The following KLHL29 variants were observed in gnomAD, a reference collection of about 807,000 sequenced individuals.
KLHL29 encodes the protein kelch-like protein 29.
A neutral mutation model predicts 80.4 loss-of-function variants in KLHL29; 21 were observed. The ratio of observed to expected loss-of-function variants is 0.26; its 90% CI spans 0.19 to 0.38. KLHL29 has a LOEUF of 0.38. KLHL29 is among the 10% of genes least tolerant of loss of function. The pLI, the probability that KLHL29 is intolerant of heterozygous loss-of-function variation, is 1.00. For missense variants in KLHL29, 867 were observed against 1,223.9 expected (o/e 0.71, Z 4.35); for synonymous variants, 511 against 526.8 (o/e 0.97, Z 0.41).
At chr2:23,532,120 T>C (rs1022588700) in intron 2 of KLHL29, among the ~76,000 whole-genome samples, 1 of 152,068 alleles carries the variant, frequency 6.6e-6, no homozygotes, top group African/African-American at 2.4e-5. Flanking sequence ...CAGAACCCGC[T>C]CCACTGGGGC....
chr2:23,532,650 C>T (rs1226438494), intron 2 of KLHL29: 1 of 456,542 alleles, frequency 2.2e-6, no homozygotes, highest in Non-Finnish European at 4.4e-6. Flanking sequence ...GGACTGAGGC[C>T]TGGGCGGTGG....
At chr2:23,423,768 C>G (rs973974260) in intron 1 of KLHL29, among the ~76,000 whole-genome samples, 1 of 152,180 alleles carries the variant, frequency 6.6e-6, no homozygotes, top group Non-Finnish European at 1.5e-5. Context: ...CCTTGAGCTC[C>G]TTCTCCATCC....
chr2:23,562,543 T>C lies in KLHL29; in HGVS notation c.285+62T>C. The C allele has an allele frequency of 6.7e-7, 1 of 1,502,640 alleles. No homozygotes were observed. Among genetic ancestry groups the C allele is most frequent in the Non-Finnish European group, 8.9e-7 (1 of 1,123,772 alleles). 93.1% of individuals were successfully genotyped at this position (1,502,640 alleles called of 1,614,324 possible). A position where few individuals can be genotyped will look rare whatever the true frequency, so the allele number is the denominator to read the frequency against. On this transcript the variant is annotated intron_variant, in intron 3 of 13. Transcript: ENST00000486442. This position sits in a 1 kb window ranked among gnomAD's most constrained non-coding sequence, Gnocchi z 4.5. Reference sequence around the variant, plus strand: ...AGAGGGGCCCTGCCTCCCTGCAGGCTCAGGCCAGCCCCACAGGCTCCTGTG... The same window carrying C: ...AGAGGGGCCCTGCCTCCCTGCAGGCCCAGGCCAGCCCCACAGGCTCCTGTG...
rs1018622667 is a variant in KLHL29, at chr2:23,682,146, C to T, written c.941-2253C>T. Among the ~76,000 whole-genome samples the T allele has an allele frequency of 7.2e-5, 11 of 152,288 alleles. No homozygotes were observed. The highest frequency in any genetic ancestry group is 3.4e-3 in the Middle Eastern group (1 of 294). On this transcript the variant is annotated intron_variant, in intron 5 of 13. Transcript: ENST00000486442. This position sits in a 1 kb window ranked among gnomAD's most constrained non-coding sequence, Gnocchi z 4.1. ...CACTTCCTTCCTGCACTGAGCCCCA[C>T]GGGGTCCACACGCTCCTGTTTCTCT...
chr2:23,400,641 G>T (rs1483663967), intron 1 of KLHL29, among the ~76,000 whole-genome samples: 3 of 151,904 alleles, frequency 2.0e-5, no homozygotes, highest in Non-Finnish European at 4.4e-5. Flanking sequence ...AGGTCAACTT[G>T]GGAAATATAA....
At chr2:23,501,509 C>T (rs541810692) in intron 2 of KLHL29, among the ~76,000 whole-genome samples, 1 of 152,148 alleles carries the variant, frequency 6.6e-6, no homozygotes, top group East Asian at 1.9e-4. Flanking sequence ...TCACTCAGCC[C>T]GATCATCGAT....
chr2:23,703,432 CTGA>C, intron 12 of KLHL29, 53 bp downstream of exon 12: 8 of 1,374,530 alleles, frequency 5.8e-6, no homozygotes, highest in Non-Finnish European at 7.7e-6. Flanking sequence ...CCCTGCCTTG[CTGA>C]TTTGTTCAGT....
intron 3 of KLHL29, chr2:23,617,358 C>G (rs1046819814): frequency 7.9e-5 from 12 of 152,242 alleles, no homozygotes; most frequent in African/African-American, 2.9e-4. Context: ...ATGCAAGTAG[C>G]CATCCCTCTG....
chr2:23,605,692 AAAG>A (rs1668702601), intron 3 of KLHL29, among the ~76,000 whole-genome samples: 1 of 152,166 alleles, frequency 6.6e-6, no homozygotes, highest in African/African-American at 2.4e-5. Flanking sequence ...TAATAAAAGC[AAAG>A]AAGTCATTCA....
In KLHL29 at chr2:23,642,668, G is replaced by T; in HGVS notation, c.758G>T (p.Gly253Val). The change falls in exon 5 of 14, where the codon GGC becomes GTC. Residue 253 changes from glycine (G) to valine (V), a missense_variant. Physicochemically the swap from Gly to Val is moderately radical, Grantham distance 109. This residue lies in a region of KLHL29 where 424 missense variants were observed against 456.9 expected (regional missense o/e 0.93). Transcript: ENST00000486442. ...GCCCGCCCAGGACCCACCGCTGTGG[G>T]CAACGGCCACATGGCAGGGCCCCTG... ...QVARPGPTAV[G>V]NGHMAGPLLP... is the part of the protein sequence containing the mutation. 1 of 1,548,006 alleles carries T rather than the reference G, an allele frequency of 6.5e-7. No homozygotes were observed. Among genetic ancestry groups the T allele is most frequent in the Non-Finnish European group, 8.7e-7 (1 of 1,145,504 alleles).
intron 3 of KLHL29, among the ~76,000 whole-genome samples, chr2:23,577,550 C>T (rs1667873638): frequency 6.6e-6 from 1 of 152,068 alleles, no homozygotes; most frequent in African/African-American, 2.4e-5. Context: ...ACTTCAAGAC[C>T]AGCCTGGCAA....
Position 23,639,148 on chromosome 2 carries a change from A to G in KLHL29, c.295A>G (p.Ile99Val). 6.5e-7 allele frequency: 1 copy of G among 1,531,326 alleles called. No individual in the cohort carries two copies. Among genetic ancestry groups the G allele is most frequent in the Non-Finnish European group, 8.8e-7 (1 of 1,140,272 alleles). The allele number at this position is 1,531,326 out of a possible 1,614,324, so 94.9% of individuals were successfully genotyped here. A position where few individuals can be genotyped will look rare whatever the true frequency, so the allele number is the denominator to read the frequency against. ...CATCTGCTTCCCACAGGCTCCCGGC[A>G]TCTCCAAAGGGGACAGTCAGTCCCA... Reference protein sequence around the residue: ...ASAVTTKAPGISKGDSQSQGL... With the variant: ...ASAVTTKAPGVSKGDSQSQGL... The change falls in exon 4 of 14, where the codon ATC (isoleucine) becomes GTC (valine). Residue 99 changes from isoleucine (I) to valine (V), a missense_variant. Ile to Val is a conservative substitution (Grantham distance 29, BLOSUM62 3). Coordinates refer to ENST00000486442, the MANE Select transcript of KLHL29 (RefSeq NM_052920.2).
At chr2:23,414,355 C>T (rs561326896) in intron 1 of KLHL29, among the ~76,000 whole-genome samples, 5 of 142,164 alleles carry the variant, frequency 3.5e-5, no homozygotes, top group South Asian at 2.6e-4. Context: ...TGTGTTTGTG[C>T]GGCGGGGTGG....
chr2:23,691,969 G>A (rs1016343761), intron 7 of KLHL29, 93 bp downstream of exon 7: 6 of 1,278,352 alleles, frequency 4.7e-6, no homozygotes, highest in African/African-American at 4.4e-5. Context: ...GGAGGTCTGT[G>A]TGTGCACACC....
At chr2:23,589,182 G>A (rs777304966) in intron 3 of KLHL29, among the ~76,000 whole-genome samples, 9 of 152,254 alleles carry the variant, frequency 5.9e-5, no homozygotes, top group Admixed American at 2.0e-4. Flanking sequence ...CGGCCTTTGC[G>A]CCCCGTTCCT....
rs945020054 is a variant in KLHL29 at position 23,503,301 on chromosome 2, T to C, written c.-46+27634T>C. Reference sequence around the variant, plus strand: ...CTTTGACAAATCATTCCCTTGCCTGTGTCTCGGTTGCCCCATCTGAGCGAG... The same window carrying C: ...CTTTGACAAATCATTCCCTTGCCTGCGTCTCGGTTGCCCCATCTGAGCGAG... On this transcript the variant is annotated intron_variant, in intron 2 of 13. Transcript: ENST00000486442. The surrounding 1 kb of genome is among the most constrained non-coding windows in gnomAD (Gnocchi z 4.0). Among the ~76,000 whole-genome samples, 1 of 152,196 alleles carries C rather than the reference T, an allele frequency of 6.6e-6. No homozygotes were observed. Among genetic ancestry groups the C allele is most frequent in the East Asian group, 1.9e-4 (1 of 5,184 alleles).
In KLHL29 at chr2:23,684,746, C is replaced by A. The variant is rs998941195; in HGVS notation, c.1079+209C>A. On this transcript the variant is annotated intron_variant, in intron 6 of 13. Transcript: ENST00000486442. The surrounding 1 kb of genome is among the most constrained non-coding windows in gnomAD (Gnocchi z 4.4). ...CACTGCGCCCAGCACCCGCCCCCAC[C>A]CACAGCTTTGCTGTCACCAGCTTTG... Among the ~76,000 whole-genome samples, 1 of 152,098 alleles carries A rather than the reference C, an allele frequency of 6.6e-6. No individual in the cohort carries two copies. The highest frequency in any genetic ancestry group is 1.5e-5 in the Non-Finnish European group (1 of 68,036).
chr2:23,651,600 G>C (rs1670089228), intron 5 of KLHL29, among the ~76,000 whole-genome samples: 1 of 152,220 alleles, frequency 6.6e-6, no homozygotes, highest in Non-Finnish European at 1.5e-5. Context: ...GTGGCCCAGG[G>C]AGAGGGATTG....
At chr2:23,624,785 C>T (rs569926747) in intron 3 of KLHL29, among the ~76,000 whole-genome samples, 15 of 152,348 alleles carry the variant, frequency 9.8e-5, no homozygotes, top group African/African-American at 3.1e-4. Flanking sequence ...CCTGCATTCT[C>T]GGGTCCCCTA....
Sources: allele counts gnomAD v4.1 joint callset (sites outside exome capture counted in the v4.1 genomes callset), GRCh38; gene constraint gnomAD v4.1.1; regional missense constraint gnomAD v4.1.1; non-coding constraint Gnocchi (gnomAD v3.1); transcripts MANE v1.5; gene names NCBI Gene and HGNC (gene_info 2026-07-23, HGNC 2026-07-21).